Variants in DNAH14 observed in about 807,000 individuals in gnomAD.
DNAH14 encodes the protein dynein axonemal heavy chain 14.
A neutral mutation model predicts 520.9 loss-of-function variants in DNAH14; 478 were observed. The ratio of observed to expected loss-of-function variants is 0.92; its 90% confidence interval spans 0.85 to 0.99. DNAH14 has a LOEUF of 0.99. Ranked by LOEUF, DNAH14 falls within the 50% of genes least tolerant of loss-of-function variation. The pLI is 0.00. For synonymous variants in DNAH14, 1,581 were observed against 1,757.2 expected (o/e 0.90, Z 2.51); for missense variants, 4,831 against 5,234.5 (o/e 0.92, Z 2.38).
intron 84 of DNAH14, among the ~76,000 whole-genome samples, chr1:225,395,290 T>C (rs982150102): frequency 1.3e-5 from 2 of 152,156 alleles, no homozygotes; most frequent in Non-Finnish European, 1.5e-5. Flanking sequence ...AATATTTTAT[T>C]TGATATTATT....
chr1:225,166,777 G>A lies in DNAH14; in HGVS notation c.5446-1162G>A, dbSNP rs187509392. ...AGATTAACTGAGAATTGTTGAAACC[G>A]CATCATTGAATAAGAACTACATATA... On this transcript the variant is annotated intron_variant, in intron 35 of 85. Transcript: ENST00000682510. Among the ~76,000 whole-genome samples, 190 of 152,244 alleles carry A rather than the reference G, an allele frequency of 1.2e-3. 2 individuals are homozygous for A. The highest frequency in any genetic ancestry group is 6.8e-3 in the Middle Eastern group (2 of 294).
intron 84 of DNAH14, chr1:225,397,054 C>G (rs1256016034): frequency 6.6e-6 from 1 of 150,446 alleles, no homozygotes; most frequent in African/African-American, 2.5e-5. Context: ...GTTGCCCAGG[C>G]TGGAGTGCAG....
intron 12 of DNAH14, 32 bp downstream of exon 12, chr1:225,038,855 AT>A: frequency 7.0e-7 from 1 of 1,432,410 alleles, no homozygotes; most frequent in Non-Finnish European, 9.2e-7. Context: ...ATAAACATAG[AT>A]TTTTTGCTAT....
In DNAH14 at chr1:225,374,259, TA is replaced by T. The variant is rs1558561419; in HGVS notation, c.12319-428del. 3.1e-4 allele frequency among the ~76,000 whole-genome samples: 32 copies of T among 103,974 alleles called. 1 individual carries two copies. The highest frequency in any genetic ancestry group is 9.4e-4 in the African/African-American group (27 of 28,694). 68.2% of individuals were successfully genotyped at this position (103,974 alleles called of 152,430 possible). A position where few individuals can be genotyped will look rare whatever the true frequency, so the allele number is the denominator to read the frequency against. ...ATATATATATTTGTCTATATATATA[TA>T]TATATATATATTTTTTTTTGAGATA... On this transcript the variant is annotated intron_variant, in intron 77 of 85. Coordinates refer to ENST00000682510, the MANE Select transcript of DNAH14 (RefSeq NM_001367479.1).
chr1:225,078,843 C>CCTCTCT lies in DNAH14; in HGVS notation c.2425-354_2425-349dup, dbSNP rs2072698777. Among the ~76,000 whole-genome samples the CCTCTCT allele has an allele frequency of 2.7e-4, 14 of 52,128 alleles. 1 individual carries two copies. The South Asian group carries it at 3.7e-3, about 14-fold the overall frequency. The allele number at this position is 52,128 out of a possible 152,430, so 34.2% of individuals were successfully genotyped here. On this transcript the variant is annotated intron_variant, in intron 17 of 85. Coordinates refer to ENST00000682510, the MANE Select transcript of DNAH14 (RefSeq NM_001367479.1). ...CTCTCTCCCTCTCTCTCTCTCTCTC[C>CCTCTCT]CTCTCTCTCTCTCTCCCTCTCTCTC...
intron 27 of DNAH14, among the ~76,000 whole-genome samples, chr1:225,128,798 T>C (rs1332311560): frequency 6.6e-6 from 1 of 151,952 alleles, no homozygotes; most frequent in Non-Finnish European, 1.5e-5. Flanking sequence ...TTCAACACAG[T>C]GTTGGAAGTT....
chr1:225,307,395 T>C (rs953221623), intron 58 of DNAH14, 66 bp from the exon 59 acceptor site: 2 of 1,122,136 alleles, frequency 1.8e-6, no homozygotes, highest in South Asian at 1.6e-5. Flanking sequence ...TTTTTATATA[T>C]TATCAAATTA....
At chr1:225,318,151 G>T (rs773140242) in intron 60 of DNAH14, among the ~76,000 whole-genome samples, 32 of 152,150 alleles carry the variant, frequency 2.1e-4, no homozygotes, top group Non-Finnish European at 3.7e-4. Flanking sequence ...TCTTACTTTT[G>T]CAAAATGAAA....
chr1:225,125,269 G>A (rs1270385406), intron 27 of DNAH14, among the ~76,000 whole-genome samples: 2 of 152,180 alleles, frequency 1.3e-5, no homozygotes, highest in Non-Finnish European at 2.9e-5. Flanking sequence ...GAATCAGCCT[G>A]TCATTTGAAG....
At chr1:225,161,047 A>C (rs1337325104) in intron 35 of DNAH14, among the ~76,000 whole-genome samples, 1 of 152,024 alleles carries the variant, frequency 6.6e-6, no homozygotes, top group East Asian at 1.9e-4. Context: ...GTAAGTTCAG[A>C]TATGTAGGAA....
At chr1:225,178,117 C>T (rs1559196099) in intron 36 of DNAH14, among the ~76,000 whole-genome samples, 1 of 152,136 alleles carries the variant, frequency 6.6e-6, no homozygotes, top group African/African-American at 2.4e-5. Flanking sequence ...CATTTTGGAG[C>T]TTTAAGATTT....
In DNAH14 at chr1:225,144,642, G is replaced by A. The variant is rs889363334; in HGVS notation, c.4740+14G>A. The A allele has an allele frequency of 1.3e-6, 2 of 1,537,146 alleles. No homozygotes were observed. Among genetic ancestry groups the A allele is most frequent in the East Asian group, 2.5e-5 (1 of 40,652 alleles). ...GATCTAGCAAAAGTAAGTGGTTTCT[G>A]TATCCAGAATAAAAACTTTTTTCTT... On this transcript the variant is annotated intron_variant, in intron 29 of 85. Coordinates refer to ENST00000682510, the MANE Select transcript of DNAH14 (RefSeq NM_001367479.1).
intron 17 of DNAH14, among the ~76,000 whole-genome samples, chr1:225,076,918 A>AT (rs2072352443): frequency 6.6e-6 from 1 of 151,832 alleles, no homozygotes; most frequent in East Asian, 1.9e-4. Context: ...TACATTAAGT[A>AT]TTTCTCCTAA....
At chr1:225,209,586 C>G (rs10915800) in intron 41 of DNAH14, among the ~76,000 whole-genome samples, 3,231 of 152,108 alleles carry the variant, frequency 0.021, 90 homozygotes, top group African/African-American at 0.062. Flanking sequence ...AAGAACGATT[C>G]TAAGAAATTT....
At chr1:225,396,282 A>G (rs2096009676) in intron 84 of DNAH14, 1 of 152,224 alleles carries the variant, frequency 6.6e-6, no homozygotes, top group Non-Finnish European at 1.5e-5. Context: ...TGTTGGAAAT[A>G]TCGAGATGAA....
At chr1:225,158,635 T>C (rs2149134473) in intron 34 of DNAH14, among the ~76,000 whole-genome samples, 1 of 152,348 alleles carries the variant, frequency 6.6e-6, no homozygotes, top group South Asian at 2.1e-4. Context: ...TGCCATATAC[T>C]TGATTTTCCA....
At position 225,082,674 on chromosome 1, in the gene DNAH14, G is replaced by A. The variant is rs1248638542; in HGVS notation, c.3262G>A (p.Glu1088Lys). Residue 1088 changes from glutamate (E) to lysine (K), a missense_variant, in exon 20 of 86, where the codon GAG (glutamate) becomes AAG (lysine). Physicochemically the swap from Glu to Lys is moderately conservative, Grantham distance 56. Coordinates refer to ENST00000682510, the MANE Select transcript of DNAH14 (RefSeq NM_001367479.1). ...GCCAAGGCATTGGGAGGCTCTCCAG[G>A]AGATTATTGGGAAGTCAGTTCCGCT... ...LKPRHWEALQ[E>K]IIGKSVPLDK... 3 of 1,551,376 alleles carry A rather than the reference G, an allele frequency of 1.9e-6. No homozygotes were observed. Among genetic ancestry groups the A allele is most frequent in the Admixed American group, 2.0e-5 (1 of 50,960 alleles).
chr1:225,150,624 G>C (rs1251086128), intron 31 of DNAH14, among the ~76,000 whole-genome samples: 1 of 152,094 alleles, frequency 6.6e-6, no homozygotes, highest in Non-Finnish European at 1.5e-5. Context: ...GTTCAGCCTT[G>C]GGAGGGTGTG....
chr1:224,979,729 C>T (rs1245058277), intron 8 of DNAH14, among the ~76,000 whole-genome samples: 1 of 152,186 alleles, frequency 6.6e-6, no homozygotes, highest in Non-Finnish European at 1.5e-5. Flanking sequence ...AAAGTGGCTC[C>T]TTCCTTCTGT....
Sources: allele counts gnomAD v4.1 joint callset (sites outside exome capture counted in the v4.1 genomes callset), GRCh38; gene constraint gnomAD v4.1.1; transcripts MANE v1.5; gene names NCBI Gene and HGNC (gene_info 2026-07-23, HGNC 2026-07-21).